CERS4: variants seen among roughly 807,000 people sequenced by gnomAD.
CERS4 encodes ceramide synthase 4.
CERS4 carries 65 observed loss-of-function variants against 51.8 expected under a neutral mutation model. The observed-to-expected ratio is 1.26, with a 90% CI of 1.03 to 1.54. The LOEUF (loss-of-function observed/expected upper bound fraction) is 1.54, where lower values mean the gene tolerates loss of function less well. Among genes scored for constraint, CERS4 ranks in the 40% most tolerant of loss-of-function variants. The probability of loss-of-function intolerance (pLI) is 0.00; values close to 1 mark genes in which losing one functional copy is unlikely to be tolerated. For missense variants in CERS4, 563 were observed against 500.4 expected, an observed-to-expected ratio of 1.13 and a Z score of -1.19; for synonymous variants, 228 against 208.4, an observed-to-expected ratio of 1.09 and a Z score of -0.81.
In CERS4 at chr19:8,255,653, A is replaced by C; in HGVS notation, c.338A>C (p.Gln113Pro). 6.2e-7 allele frequency: 1 copy of C among 1,613,114 alleles called. No individual in the cohort carries two copies. ...GCCCAGTGTGGCCTCACGCTGCAGC[A>C]GACCCAGCGATGGTTCCGGAGACGC... The part of the protein sequence containing the change: ...LAAQCGLTLQ[Q>P]TQRWFRRRRN... Residue 113 changes from glutamine (Q) to proline (P), a missense_variant, in exon 5 of 12, where the codon CAG becomes CCG. Physicochemically the swap from Gln to Pro is moderately conservative, Grantham distance 76 (BLOSUM62 -1). Transcript: ENST00000251363.
chr19:8,255,859 G>C lies in CERS4; in HGVS notation c.448G>C (p.Gly150Arg), dbSNP rs756891020. ...CTTCTACCTGTCCTCCTTCGTGGGC[G>C]GCCTCTCGGTCCTGTACCACGTGAG... ...FLFYLSSFVG[G>R]LSVLYHESWL... The change falls in exon 6 of 12, where the codon GGC becomes CGC. Residue 150 changes from glycine (G) to arginine (R), a missense_variant. Physicochemically the swap from Gly to Arg is moderately radical, Grantham distance 125 (BLOSUM62 -2). Transcript: ENST00000251363. 2.5e-6 allele frequency: 4 copies of C among 1,613,776 alleles called. No homozygotes were observed. The Admixed American group carries it at 6.7e-5, about 27-fold the overall frequency.
intron 2 of CERS4, among the ~76,000 whole-genome samples, chr19:8,223,324 T>G (rs1004599262): frequency 6.7e-6 from 1 of 149,258 alleles, no homozygotes; most frequent in Non-Finnish European, 1.5e-5. Flanking sequence ...TTTTCTTTTT[T>G]AATTGGCCGG....
chr19:8,243,333 C>A (rs377058273), intron 2 of CERS4, among the ~76,000 whole-genome samples: 1 of 151,886 alleles, frequency 6.6e-6, no homozygotes, highest in East Asian at 1.9e-4. Context: ...CCCACGGGCA[C>A]ACGGGATCAA....
At chr19:8,248,336 T>C (rs773083150) in intron 2 of CERS4, among the ~76,000 whole-genome samples, 2 of 152,030 alleles carry the variant, frequency 1.3e-5, no homozygotes, top group Non-Finnish European at 2.9e-5. Context: ...GACGGATAGA[T>C]GCAACGACAG....
At chr19:8,235,931 C>T (rs914268064) in intron 2 of CERS4, among the ~76,000 whole-genome samples, 1 of 151,914 alleles carries the variant, frequency 6.6e-6, no homozygotes, top group Admixed American at 6.6e-5. Context: ...CGCGGTGGCT[C>T]ACGCCTGTAA....
intron 2 of CERS4, among the ~76,000 whole-genome samples, chr19:8,219,819 CA>C (rs550873858): frequency 3.5e-4 from 49 of 139,094 alleles, no homozygotes; most frequent in Admixed American, 6.5e-4. Flanking sequence ...AACTCTGTTT[CA>C]AAAAAAAAAA....
In CERS4 at chr19:8,254,557, G is replaced by A. The variant is rs368610473; in HGVS notation, c.232G>A (p.Val78Met). ...LGVRDQTRRQVKPNATLEKHF... is the reference protein window; with the variant it reads ...LGVRDQTRRQMKPNATLEKHF... ...TGTGAGGGATCAGACCAGGAGGCAAGTGAAGCCCAACGCCACGCTGGAGAA... is the reference window on the plus strand; with the variant it reads ...TGTGAGGGATCAGACCAGGAGGCAAATGAAGCCCAACGCCACGCTGGAGAA... The change falls in exon 4 of 12, where the codon GTG becomes ATG. Residue 78 changes from valine to methionine, a missense_variant. By Grantham distance (21) the Val-to-Met change is conservative. Coordinates refer to ENST00000251363, the MANE Select transcript of CERS4 (RefSeq NM_024552.3). The A allele has an allele frequency of 6.2e-7, 1 of 1,613,598 alleles. No individual in the cohort carries two copies. The highest frequency in any genetic ancestry group is 1.3e-5 in the African/African-American group (1 of 74,928).
chr19:8,225,703 C>T (rs897849065), intron 2 of CERS4, among the ~76,000 whole-genome samples: 7 of 151,616 alleles, frequency 4.6e-5, no homozygotes, highest in Admixed American at 6.6e-5. Context: ...GGATTATAGG[C>T]GTGAGCCACC....
At chr19:8,227,611 G>T (rs1030991184) in intron 2 of CERS4, among the ~76,000 whole-genome samples, 1 of 151,612 alleles carries the variant, frequency 6.6e-6, no homozygotes, top group Non-Finnish European at 1.5e-5. Context: ...CAAAGTGCTC[G>T]GCTTACAGGC....
At chr19:8,234,336 C>T (rs1968143588) in intron 2 of CERS4, among the ~76,000 whole-genome samples, 2 of 152,006 alleles carry the variant, frequency 1.3e-5, no homozygotes, top group Admixed American at 6.6e-5. Context: ...CTCCCTCTGT[C>T]TCCAAGGTTG....
chr19:8,244,903 C>T (rs548818991), intron 2 of CERS4, among the ~76,000 whole-genome samples: 47 of 151,594 alleles, frequency 3.1e-4, no homozygotes, highest in Admixed American at 9.9e-4. Flanking sequence ...CCAGCACTTT[C>T]GGAGGCCAAG....
Position 8,257,065 on chromosome 19 carries a change from C to T in CERS4, c.729C>T (p.Asp243=), listed in dbSNP as rs1250168951. ...SLVLLLHDSS[D]YLLEACKMVN... is the part of the protein sequence containing the mutation. ...TGCTGCTGTTACACGATTCCTCTGA[C>T]TACCTGCTGGAGGTGGGCCCGACCC... Residue 243 remains aspartate (D), a synonymous_variant, in exon 9 of 12, where the codon GAC becomes GAT. Coordinates refer to ENST00000251363, the MANE Select transcript of CERS4 (RefSeq NM_024552.3). 1 of 1,602,060 alleles carries T rather than the reference C, an allele frequency of 6.2e-7. No homozygotes were observed. The highest frequency in any genetic ancestry group is 1.7e-5 in the Admixed American group (1 of 59,274).
Position 8,255,682 on chromosome 19 carries a change from A to T in CERS4, c.367A>T (p.Asn123Tyr). ...QTQRWFRRRR[N>Y]QDRPQLTKKF... Reference sequence around the variant, plus strand: ...CCAGCGATGGTTCCGGAGACGCCGGAACCAGGATCGACCCCAGCTGACCAA... The same window carrying T: ...CCAGCGATGGTTCCGGAGACGCCGGTACCAGGATCGACCCCAGCTGACCAA... Residue 123 changes from asparagine to tyrosine, a missense_variant, in exon 5 of 12, where the codon AAC (asparagine) becomes TAC (tyrosine). By Grantham distance (143) the Asn-to-Tyr change is moderately radical. Transcript: ENST00000251363. The T allele has an allele frequency of 6.2e-7, 1 of 1,613,138 alleles. No homozygotes were observed. Among genetic ancestry groups the T allele is most frequent in the Non-Finnish European group, 8.5e-7 (1 of 1,179,816 alleles).
At chr19:8,254,378 C>A in intron 3 of CERS4, 121 bp from the exon 4 acceptor site, 2 of 660,438 alleles carry the variant, frequency 3.0e-6, no homozygotes, top group Non-Finnish European at 5.4e-6. Context: ...GCTGTGCTCT[C>A]TGAGCCTGTA....
chr19:8,247,853 C>T (rs1328716855), intron 2 of CERS4, among the ~76,000 whole-genome samples: 4 of 151,818 alleles, frequency 2.6e-5, no homozygotes, highest in Non-Finnish European at 4.4e-5. Flanking sequence ...CCTGCCTCAG[C>T]CTCTCAAGTA....
chr19:8,222,520 C>T (rs575387045), intron 2 of CERS4, among the ~76,000 whole-genome samples: 8 of 150,676 alleles, frequency 5.3e-5, no homozygotes, highest in South Asian at 2.1e-4. Context: ...GTTTTTGAGA[C>T]GGAGTTTTGC....
In CERS4 at chr19:8,254,484, C is replaced by T. The variant is rs745874971; in HGVS notation, c.174-15C>T. ...CTTCACCTGGGCTGATAGGCTCTGT[C>T]TCCTTTGCACCCAGATTCATTGGCC... On this transcript the variant is annotated splice_polypyrimidine_tract_variant and intron_variant, in intron 3 of 11. Coordinates refer to ENST00000251363, the MANE Select transcript of CERS4 (RefSeq NM_024552.3). The T allele has an allele frequency of 6.2e-7, 1 of 1,611,340 alleles. No homozygotes were observed. Among genetic ancestry groups the T allele is most frequent in the Non-Finnish European group, 8.5e-7 (1 of 1,177,886 alleles).
intron 9 of CERS4, 81 bp from the exon 10 acceptor site, chr19:8,257,798 A>G: frequency 9.4e-7 from 1 of 1,062,516 alleles, no homozygotes; most frequent in East Asian, 2.4e-5. Context: ...ACCCCAACTC[A>G]CCTGGTCCCA....
intron 2 of CERS4, among the ~76,000 whole-genome samples, chr19:8,222,648 G>A (rs944639263): frequency 1.1e-4 from 17 of 151,910 alleles, no homozygotes; most frequent in African/African-American, 3.9e-4. Context: ...ACAGGCATGC[G>A]CCACCACACC....
Sources: gnomAD v4.1 joint callset for allele counts (sites outside exome capture counted in the v4.1 genomes callset) on GRCh38, gnomAD v4.1.1 for gene constraint, MANE v1.5 for transcripts, NCBI Gene and HGNC (gene_info 2026-07-23, HGNC 2026-07-21) for gene names.